The following FGF14 variants were observed in gnomAD, a reference collection of about 807,000 sequenced individuals.
FGF14 encodes the protein fibroblast growth factor homologous factor 4.
A neutral mutation model predicts 25.5 loss-of-function variants in FGF14; 5 were observed. The ratio of observed to expected loss-of-function variants is 0.20; its 90% CI spans 0.10 to 0.41. The LOEUF is 0.41. FGF14 is among the 10% of genes least tolerant of loss of function. The pLI is 1.00. For synonymous variants in FGF14, 138 were observed against 118.3 expected (o/e 1.17, Z -1.08); for missense variants, 222 against 320.1 (o/e 0.69, Z 2.34).
chr13:101,773,146 T>C (rs1337070237), intron 3 of FGF14, among the ~76,000 whole-genome samples: 4 of 152,110 alleles, frequency 2.6e-5, no homozygotes, highest in African/African-American at 9.7e-5. Context: ...TCAGTAGACA[T>C]ATTCTGCATT....
intron 3 of FGF14, among the ~76,000 whole-genome samples, chr13:101,834,651 T>G (rs2042835964): frequency 6.6e-6 from 1 of 151,992 alleles, no homozygotes; most frequent in Non-Finnish European, 1.5e-5. Context: ...GGACAATCAT[T>G]TGGGACATAA....
chr13:102,141,882 G>A (rs752250805), intron 1 of FGF14, among the ~76,000 whole-genome samples: 2 of 152,116 alleles, frequency 1.3e-5, no homozygotes, highest in African/African-American at 2.4e-5. Flanking sequence ...ATTTTGGAAC[G>A]GTGACTGAGT....
In FGF14 at chr13:101,832,217, G is replaced by A. The variant is rs137910221; in HGVS notation, c.408+36508C>T. On this transcript the variant is annotated intron_variant, in intron 3 of 4. Coordinates refer to ENST00000376143, the MANE Select transcript of FGF14 (RefSeq NM_004115.4). ...AGGCCAAGGGATGCTGGAAACCACC[G>A]GAAACCAGGAAAGGAAAGGAAGAGA... Among the ~76,000 whole-genome samples the A allele has an allele frequency of 9.7e-4, 147 of 152,078 alleles. 1 individual carries two copies. Among genetic ancestry groups the A allele is most frequent in the Non-Finnish European group, 1.3e-3 (85 of 67,950 alleles).
intron 1 of FGF14, chr13:101,967,878 C>T (rs1357998135): frequency 6.6e-6 from 1 of 152,556 alleles, no homozygotes; most frequent in African/African-American, 2.4e-5. Context: ...AAATCTGATA[C>T]ATGAACACTC....
chr13:102,386,924 A>G (rs2058318296), intron 1 of FGF14, among the ~76,000 whole-genome samples: 2 of 152,190 alleles, frequency 1.3e-5, no homozygotes, highest in African/African-American at 2.4e-5. Flanking sequence ...CTACTCACTC[A>G]CCCACTAAAA....
chr13:101,889,405 T>C lies in FGF14; in HGVS notation c.194-14109A>G, dbSNP rs982600052. Among the ~76,000 whole-genome samples, 3 of 152,196 alleles carry C rather than the reference T, an allele frequency of 2.0e-5. No homozygotes were observed. In the South Asian group the frequency reaches 6.2e-4, roughly 31 times the overall value. ...AAAGTATTTGAAGAAAGGAATTTGA[T>C]ATTCACTTTCTGTCTCAACATTTAA... is the stretch of plus-strand genomic sequence containing the variant. On this transcript the variant is annotated intron_variant, in intron 1 of 4. Coordinates refer to ENST00000376143, the MANE Select transcript of FGF14 (RefSeq NM_004115.4).
At chr13:101,739,089 G>GTA (rs113467291) in intron 3 of FGF14, among the ~76,000 whole-genome samples, 25,053 of 114,406 alleles carry the variant, frequency 0.22, 2,416 homozygotes, top group Admixed American at 0.34. Flanking sequence ...TACTTTAACA[G>GTA]TATATATATA....
chr13:102,147,824 T>C (rs2046915868), intron 1 of FGF14, among the ~76,000 whole-genome samples: 1 of 152,158 alleles, frequency 6.6e-6, no homozygotes, highest in African/African-American at 2.4e-5. Context: ...CATAGGAAGG[T>C]TTTGCATGCC....
chr13:101,965,883 G>T (rs1048792179), intron 1 of FGF14, among the ~76,000 whole-genome samples: 7 of 152,036 alleles, frequency 4.6e-5, no homozygotes, highest in Non-Finnish European at 1.0e-4. Context: ...TTTTTCATGG[G>T]CACAACTGAA....
intron 1 of FGF14, among the ~76,000 whole-genome samples, chr13:101,930,193 A>G (rs1044760667): frequency 6.6e-6 from 1 of 152,212 alleles, no homozygotes; most frequent in African/African-American, 2.4e-5. Context: ...GAAAAAACAA[A>G]CCAAATGAGA....
At chr13:102,080,404 A>G (rs1465800905) in intron 1 of FGF14, among the ~76,000 whole-genome samples, 1 of 152,200 alleles carries the variant, frequency 6.6e-6, no homozygotes, top group Non-Finnish European at 1.5e-5. Context: ...CAGTTTGCTT[A>G]GAGAAGTCTT....
chr13:101,879,236 G>C (rs907756170), intron 1 of FGF14, among the ~76,000 whole-genome samples: 1 of 151,818 alleles, frequency 6.6e-6, no homozygotes, highest in African/African-American at 2.4e-5. Context: ...TTTCTATTTA[G>C]TGTGCCTGAT....
chr13:101,935,757 C>G (rs1390664002), intron 1 of FGF14, among the ~76,000 whole-genome samples: 1 of 152,140 alleles, frequency 6.6e-6, no homozygotes, highest in Non-Finnish European at 1.5e-5. Flanking sequence ...ACCAAATCCC[C>G]AGAAACATAT....
chr13:101,796,039 T>C (rs1368989608), intron 3 of FGF14, among the ~76,000 whole-genome samples: 1 of 152,094 alleles, frequency 6.6e-6, no homozygotes, highest in African/African-American at 2.4e-5. Flanking sequence ...ACTTTATATA[T>C]GTCCAAAGTA....
intron 1 of FGF14, among the ~76,000 whole-genome samples, chr13:102,340,247 T>G (rs538768353): frequency 6.6e-6 from 1 of 152,192 alleles, no homozygotes; most frequent in Non-Finnish European, 1.5e-5. Flanking sequence ...CTTTTGCCAT[T>G]TTGGCGAATC....
intron 1 of FGF14, among the ~76,000 whole-genome samples, chr13:102,127,594 G>T (rs117632176): frequency 1.3e-5 from 2 of 152,142 alleles, no homozygotes; most frequent in Non-Finnish European, 2.9e-5. Flanking sequence ...CCCTAACTCA[G>T]AGAATCATGA....
At chr13:102,177,821 G>T (rs1022122628) in intron 1 of FGF14, among the ~76,000 whole-genome samples, 6 of 151,950 alleles carry the variant, frequency 3.9e-5, no homozygotes, top group African/African-American at 1.2e-4. Flanking sequence ...TTCATTTTAT[G>T]ATTTTTACAT....
chr13:101,750,684 T>C (rs1372470224), intron 3 of FGF14, among the ~76,000 whole-genome samples: 4 of 152,156 alleles, frequency 2.6e-5, no homozygotes, highest in Admixed American at 2.0e-4. Flanking sequence ...CTAAAAACCT[T>C]GATCCTTGGT....
intron 3 of FGF14, among the ~76,000 whole-genome samples, chr13:101,740,497 G>A (rs1053106554): frequency 3.3e-5 from 5 of 152,286 alleles, no homozygotes; most frequent in Middle Eastern, 6.8e-3. Flanking sequence ...GCTGATTGGA[G>A]AAATATTTAG....
Sources: gnomAD v4.1 joint callset for allele counts (sites outside exome capture counted in the v4.1 genomes callset) on GRCh38, gnomAD v4.1.1 for gene constraint, MANE v1.5 for transcripts, NCBI Gene and HGNC (gene_info 2026-07-23, HGNC 2026-07-21) for gene names.